The following SP140L variants were observed in gnomAD, a reference collection of about 807,000 sequenced individuals.
SP140L encodes nuclear body protein SP140-like protein.
A neutral mutation model predicts 84.3 loss-of-function variants in SP140L; 64 were observed. The ratio of observed to expected loss-of-function variants is 0.76; its 90% CI spans 0.62 to 0.94. The LOEUF (loss-of-function observed/expected upper bound fraction) is 0.94, where lower values mean the gene tolerates loss of function less well. SP140L is among the 40% of genes least tolerant of loss of function. SP140L has a pLI of 0.00. For synonymous variants in SP140L, 242 were observed against 236.9 expected (o/e 1.02, Z -0.20); for missense variants, 628 against 692.5 (o/e 0.91, Z 1.05).
chr2:230,396,220 G>C (rs1559461652), intron 13 of SP140L, among the ~76,000 whole-genome samples: 1 of 152,192 alleles, frequency 6.6e-6, no homozygotes. Flanking sequence ...AATGGGACTT[G>C]CATTGGGCTG....
rs1383071031 is a variant in SP140L at position 230,359,049 on chromosome 2, T to TGTCA, written c.359_362dup (p.Leu122SerfsTer22). The stretch of plus-strand genomic sequence containing the variant: ...AGTGAACTGGAGAAGACATTTAACC[T>TGTCA]GTCAGTTTTGGAAGCACTGTTCAGC... On this transcript the variant is annotated frameshift_variant, in exon 4 of 19. Coordinates refer to ENST00000415673, the MANE Select transcript of SP140L (RefSeq NM_138402.6). LOFTEE classifies it high-confidence loss of function. 1.9e-6 allele frequency: 3 copies of TGTCA among 1,613,886 alleles called. No homozygotes were observed. The highest frequency in any genetic ancestry group is 1.7e-6 in the Non-Finnish European group (2 of 1,179,832).
At chr2:230,356,772 C>T (rs1167020200) in intron 2 of SP140L, among the ~76,000 whole-genome samples, 2 of 152,232 alleles carry the variant, frequency 1.3e-5, no homozygotes, top group African/African-American at 2.4e-5. Flanking sequence ...GCAACTAGCA[C>T]TTTTCTGACC....
At chr2:230,387,771 G>A (rs1379257446) in intron 9 of SP140L, among the ~76,000 whole-genome samples, 1 of 152,148 alleles carries the variant, frequency 6.6e-6, no homozygotes, top group Non-Finnish European at 1.5e-5. Flanking sequence ...AACGTCGTCG[G>A]CTGCAGTGTC....
At chr2:230,348,104 C>G (rs2060263617) in intron 2 of SP140L, among the ~76,000 whole-genome samples, 1 of 152,224 alleles carries the variant, frequency 6.6e-6, no homozygotes, top group Admixed American at 6.5e-5. Context: ...CTTTTCCCCA[C>G]TGGAGAAACT....
rs186570168 is a variant in SP140L, at chr2:230,331,936, C to G, written c.107+3105C>G. Among the ~76,000 whole-genome samples, 4 of 152,066 alleles carry G rather than the reference C, an allele frequency of 2.6e-5. No homozygotes were observed. In the East Asian group the frequency reaches 5.8e-4, roughly 22 times the overall value. On this transcript the variant is annotated intron_variant, in intron 2 of 18. Coordinates refer to ENST00000415673, the MANE Select transcript of SP140L (RefSeq NM_138402.6). ...TTCAGAATTTATACCGTGTATTTTTCTTTTTCTTACTTTTTTTCCTTCTTT... is the reference window on the plus strand; with the variant it reads ...TTCAGAATTTATACCGTGTATTTTTGTTTTTCTTACTTTTTTTCCTTCTTT...
chr2:230,392,370 G>A (rs1037611099), intron 12 of SP140L, 141 bp downstream of exon 12: 6 of 1,337,254 alleles, frequency 4.5e-6, no homozygotes, highest in Non-Finnish European at 5.1e-6. Context: ...TCAGGAGAGA[G>A]GGACCCCATA....
chr2:230,395,790 C>T (rs1279834612), intron 13 of SP140L, among the ~76,000 whole-genome samples: 1 of 152,176 alleles, frequency 6.6e-6, no homozygotes, highest in African/African-American at 2.4e-5. Flanking sequence ...GGAAAGGTGC[C>T]AACTCCTGCA....
chr2:230,386,864 G>A (rs1184714223), intron 9 of SP140L, among the ~76,000 whole-genome samples: 3 of 152,218 alleles, frequency 2.0e-5, no homozygotes, highest in African/African-American at 4.8e-5. Context: ...GTTCAAGGTT[G>A]TGGCCAGAGC....
intron 2 of SP140L, among the ~76,000 whole-genome samples, chr2:230,331,586 A>T (rs985834238): frequency 6.6e-6 from 1 of 152,248 alleles, no homozygotes; most frequent in Non-Finnish European, 1.5e-5. Flanking sequence ...AGATAAATCT[A>T]ACAAGAATTT....
chr2:230,342,543 G>GT (rs200655738), intron 2 of SP140L, among the ~76,000 whole-genome samples: 187 of 151,518 alleles, frequency 1.2e-3, no homozygotes, highest in African/African-American at 4.0e-3. Context: ...TAATGGAAAG[G>GT]TTTTTTTTTC....
chr2:230,376,742 C>T (rs2061250753), intron 7 of SP140L, among the ~76,000 whole-genome samples: 1 of 151,806 alleles, frequency 6.6e-6, no homozygotes, highest in South Asian at 2.1e-4. Context: ...TTGTATAGAA[C>T]CATAAAGACC....
chr2:230,374,217 G>A (rs976821814), intron 7 of SP140L, among the ~76,000 whole-genome samples: 2 of 151,906 alleles, frequency 1.3e-5, no homozygotes, highest in Non-Finnish European at 2.9e-5. Context: ...TTAGGAGGCT[G>A]AGGCAGGAGA....
intron 10 of SP140L, 130 bp downstream of exon 10, chr2:230,388,763 A>ATC: frequency 1.3e-6 from 1 of 777,196 alleles, no homozygotes. Flanking sequence ...TGAAAAACAT[A>ATC]TCTTATTAAG....
intron 3 of SP140L, 128 bp downstream of exon 3, chr2:230,358,095 C>A: frequency 9.0e-7 from 1 of 1,117,044 alleles, no homozygotes; most frequent in Non-Finnish European, 1.3e-6. Flanking sequence ...CTACTTCCAG[C>A]TGAGGAAATG....
chr2:230,384,527 T>C (rs2061507864), intron 8 of SP140L, among the ~76,000 whole-genome samples: 1 of 152,236 alleles, frequency 6.6e-6, no homozygotes, highest in African/African-American at 2.4e-5. Flanking sequence ...TATCTTCTGC[T>C]CTTCTGTTCT....
At chr2:230,347,970 T>C (rs1205721082) in intron 2 of SP140L, among the ~76,000 whole-genome samples, 2 of 152,224 alleles carry the variant, frequency 1.3e-5, no homozygotes, top group African/African-American at 2.4e-5. Flanking sequence ...TCTTCATTTC[T>C]GGTCAAACAC....
chr2:230,378,455 C>T (rs556502246), intron 7 of SP140L, among the ~76,000 whole-genome samples: 153 of 152,186 alleles, frequency 1.0e-3, no homozygotes, highest in African/African-American at 3.2e-3. Flanking sequence ...ATTACTTTTG[C>T]GAGAAGTTTT....
At chr2:230,363,090 T>C (rs1189343067) in intron 5 of SP140L, among the ~76,000 whole-genome samples, 3 of 152,164 alleles carry the variant, frequency 2.0e-5, no homozygotes, top group Non-Finnish European at 4.4e-5. Context: ...TTTTGACTTA[T>C]GAGATTTTCA....
At chr2:230,366,377 CTTCT>C (rs538659522) in intron 5 of SP140L, among the ~76,000 whole-genome samples, 112 of 152,038 alleles carry the variant, frequency 7.4e-4, no homozygotes, top group Admixed American at 1.9e-3. Context: ...ATATAATGAT[CTTCT>C]TTGTCTTGTT....
Sources: gnomAD v4.1 joint callset for allele counts (sites outside exome capture counted in the v4.1 genomes callset) on GRCh38, gnomAD v4.1.1 for gene constraint, MANE v1.5 for transcripts, NCBI Gene and HGNC (gene_info 2026-07-23, HGNC 2026-07-21) for gene names.